The following SLC7A2 variants were observed in gnomAD, a reference collection of about 807,000 sequenced individuals.
The protein encoded by SLC7A2 is cationic amino acid transporter 2.
SLC7A2 carries 48 observed loss-of-function variants against 58.9 expected under a neutral mutation model. That is an observed-to-expected ratio of 0.82 (90% CI 0.65 to 1.04). SLC7A2 has a LOEUF of 1.04. Ranked by LOEUF, SLC7A2 falls within the 50% of genes least tolerant of loss-of-function variation. SLC7A2 has a pLI of 0.00. For missense variants in SLC7A2, 1,029 were observed against 818.8 expected (o/e 1.26, Z -3.13); for synonymous variants, 363 against 314.5 (o/e 1.15, Z -1.63).
In SLC7A2 at chr8:17,568,673, T is replaced by C. The variant is rs1271664670; in HGVS notation, c.*3527T>C. 2.0e-5 allele frequency: 3 copies of C among 152,214 alleles called. No homozygotes were observed. In the East Asian group the frequency reaches 5.8e-4, roughly 29 times the overall value. 9.4% of individuals were successfully genotyped at this position (152,214 alleles called of 1,614,324 possible). Reference sequence around the variant, plus strand: ...GCTTACAGGTAGTTGTTAAAAAAATTTTAAGGCCAGGCATGGTGGCTCGCT... The same window carrying C: ...GCTTACAGGTAGTTGTTAAAAAAATCTTAAGGCCAGGCATGGTGGCTCGCT... On this transcript the variant is annotated 3_prime_UTR_variant, in exon 13 of 13. Coordinates refer to ENST00000494857, the MANE Select transcript of SLC7A2 (RefSeq NM_001370338.1).
intron 12 of SLC7A2, 34 bp from the exon 13 acceptor site, chr8:17,564,916 G>A: frequency 6.6e-7 from 1 of 1,510,414 alleles, no homozygotes; most frequent in East Asian, 2.3e-5. Flanking sequence ...TGACATACCT[G>A]AAACATTGAT....
chr8:17,562,686 C>T (rs1468939456), intron 11 of SLC7A2, among the ~76,000 whole-genome samples: 1 of 152,188 alleles, frequency 6.6e-6, no homozygotes. Context: ...GGTCCTCTTA[C>T]TGCCTTTTCA....
chr8:17,551,160 A>G (rs532394458), intron 6 of SLC7A2, among the ~76,000 whole-genome samples: 5 of 152,284 alleles, frequency 3.3e-5, no homozygotes, highest in Admixed American at 6.5e-5. Context: ...TAGTGCTGCT[A>G]TGTTACGGGT....
chr8:17,548,911 T>G, intron 5 of SLC7A2, 68 bp downstream of exon 5: 1 of 1,324,322 alleles, frequency 7.6e-7, no homozygotes, highest in Non-Finnish European at 1.1e-6. Context: ...GGTGTATTAG[T>G]TCATTTTTAC....
At chr8:17,501,783 C>T (rs962021704) in intron 1 of SLC7A2, among the ~76,000 whole-genome samples, 5 of 151,894 alleles carry the variant, frequency 3.3e-5, no homozygotes, top group African/African-American at 1.2e-4. Flanking sequence ...GGCACTGCTG[C>T]GTACTAGCCC....
At chr8:17,537,120 G>A (rs1393438409) in intron 2 of SLC7A2, among the ~76,000 whole-genome samples, 5 of 152,160 alleles carry the variant, frequency 3.3e-5, no homozygotes, top group African/African-American at 7.2e-5. Context: ...GCAGTGGCAC[G>A]ATCTTGGCTC....
At chr8:17,512,273 G>T (rs1285198592) in intron 2 of SLC7A2, among the ~76,000 whole-genome samples, 1 of 152,072 alleles carries the variant, frequency 6.6e-6, no homozygotes. Context: ...CCCTAGGCCA[G>T]GCACAGCTCA....
At chr8:17,561,618 C>T (rs1802990311) in intron 10 of SLC7A2, among the ~76,000 whole-genome samples, 1 of 152,090 alleles carries the variant, frequency 6.6e-6, no homozygotes, top group South Asian at 2.1e-4. Context: ...AGGGAAGTAT[C>T]CAACCCCGAC....
chr8:17,519,477 G>A (rs1241764099), intron 2 of SLC7A2, among the ~76,000 whole-genome samples: 6 of 152,036 alleles, frequency 3.9e-5, no homozygotes, highest in African/African-American at 7.2e-5. Context: ...TATTTCTGTC[G>A]CCATTTTCTC....
chr8:17,520,752 G>A, intron 2 of SLC7A2: 1 of 938,090 alleles, frequency 1.1e-6, no homozygotes, highest in Non-Finnish European at 1.3e-6. Context: ...GACCTTGAGA[G>A]GAATAAAAGG....
intron 9 of SLC7A2, 26 bp downstream of exon 9, chr8:17,558,423 G>A (rs2150772650): frequency 2.1e-6 from 3 of 1,462,358 alleles, no homozygotes; most frequent in East Asian, 4.5e-5. Context: ...GTTCTACAGG[G>A]TGTACCATGC....
rs865958899 is a variant in SLC7A2, at chr8:17,526,406, T to C, written c.-22-16912T>C. On this transcript the variant is annotated intron_variant, in intron 2 of 12. Transcript: ENST00000494857. ...CTAAATCTCTATTTTGCTTTTGTCT[T>C]TACACAAAGAAGGGCCACCTGACTA... Among the ~76,000 whole-genome samples the C allele has an allele frequency of 7.9e-5, 12 of 152,210 alleles. No individual in the cohort carries two copies. In the South Asian group the frequency reaches 1.7e-3, roughly 21 times the overall value.
At chr8:17,519,581 G>T (rs1016447922) in intron 2 of SLC7A2, among the ~76,000 whole-genome samples, 1 of 152,092 alleles carries the variant, frequency 6.6e-6, no homozygotes, top group Non-Finnish European at 1.5e-5. Flanking sequence ...TGGAGTATTG[G>T]GTTCTTTTCA....
At chr8:17,528,088 T>A (rs1801291258) in intron 2 of SLC7A2, among the ~76,000 whole-genome samples, 1 of 152,054 alleles carries the variant, frequency 6.6e-6, no homozygotes, top group East Asian at 1.9e-4. Context: ...CCTGGGGCAC[T>A]CAGATGCTTA....
At chr8:17,536,863 C>T (rs762550897) in intron 2 of SLC7A2, among the ~76,000 whole-genome samples, 1 of 152,082 alleles carries the variant, frequency 6.6e-6, no homozygotes, top group South Asian at 2.1e-4. Context: ...GAACAGAGAC[C>T]ACTCTAAATA....
intron 2 of SLC7A2, among the ~76,000 whole-genome samples, chr8:17,527,421 G>T (rs1487161817): frequency 6.6e-6 from 1 of 152,082 alleles, no homozygotes; most frequent in African/African-American, 2.4e-5. Flanking sequence ...TATAGACCTC[G>T]ATTTCAAGAA....
chr8:17,530,407 G>A (rs971712231), intron 2 of SLC7A2, among the ~76,000 whole-genome samples: 6 of 152,106 alleles, frequency 3.9e-5, no homozygotes, highest in African/African-American at 1.4e-4. Flanking sequence ...TATGTGCTAA[G>A]GGTAGTAGGA....
At chr8:17,557,591 G>T (rs987938218) in intron 8 of SLC7A2, among the ~76,000 whole-genome samples, 1 of 152,216 alleles carries the variant, frequency 6.6e-6, no homozygotes, top group Admixed American at 6.5e-5. Context: ...AGCATCTTGG[G>T]AGGCCGAGGC....
intron 2 of SLC7A2, chr8:17,538,970 T>C (rs1225042801): frequency 6.5e-7 from 1 of 1,539,256 alleles, no homozygotes; most frequent in Non-Finnish European, 9.0e-7. Context: ...AAGATTAAGT[T>C]TGAAATGTCA....
Sources: gnomAD v4.1 joint callset for allele counts (sites outside exome capture counted in the v4.1 genomes callset) on GRCh38, gnomAD v4.1.1 for gene constraint, MANE v1.5 for transcripts, NCBI Gene and HGNC (gene_info 2026-07-23, HGNC 2026-07-21) for gene names.